COL11A1: variants seen among roughly 807,000 people sequenced by gnomAD.
The protein encoded by COL11A1 is collagen type XI alpha 1 chain.
A neutral mutation model predicts 265.2 loss-of-function variants in COL11A1; 74 were observed. That is an observed-to-expected ratio of 0.28 (90% confidence interval 0.23 to 0.34). The LOEUF is 0.34. COL11A1 is among the 10% of genes least tolerant of loss of function. COL11A1 has a pLI of 1.00. For missense variants in COL11A1, 2,165 were observed against 2,263.6 expected, an observed-to-expected ratio of 0.96 and a Z score of 0.88; for synonymous variants, 816 against 727.6, an observed-to-expected ratio of 1.12 and a Z score of -1.96.
At chr1:102,954,715 G>T (rs1309216562) in intron 41 of COL11A1, among the ~76,000 whole-genome samples, 1 of 151,968 alleles carries the variant, frequency 6.6e-6, no homozygotes, top group East Asian at 1.9e-4. Flanking sequence ...TTGGTGGTGG[G>T]TGCCTGCAAT....
chr1:103,078,620 T>C lies in COL11A1; in HGVS notation c.488+38A>G, dbSNP rs778597754. ...AAGTGACTGAATAAAAAAAATGATT[T>C]TGGCATAGCTAAAACATTGTATTAT... is the stretch of plus-strand genomic sequence containing the variant. On this transcript the variant is annotated intron_variant, in intron 3 of 66. Transcript: ENST00000370096. The C allele has an allele frequency of 4.4e-6, 7 of 1,575,814 alleles. No individual in the cohort carries two copies. In the African/African-American group the frequency reaches 9.5e-5, roughly 21 times the overall value.
intron 41 of COL11A1, among the ~76,000 whole-genome samples, chr1:102,947,435 T>G (rs1293025130): frequency 6.6e-6 from 1 of 152,110 alleles, no homozygotes; most frequent in Non-Finnish European, 1.5e-5. Flanking sequence ...GTTCAGAAAT[T>G]CTTTGCATTA....
Position 102,967,227 on chromosome 1 carries a change from C to CTTTTTTTTTTTTTTTTT in COL11A1, c.2863-1704_2863-1688dup, listed in dbSNP as rs35303945. ...CCCACAAAACCAAACATAATAAATTCTTTTTTTTTTTTTTTTTTTTTTTTT... is the reference window on the plus strand; with the variant it reads ...CCCACAAAACCAAACATAATAAATTCTTTTTTTTTTTTTTTTTTTTTTTTTTTTTTTTTTTTTTTTTT... On this transcript the variant is annotated intron_variant, in intron 37 of 66. Transcript: ENST00000370096. 7.0e-4 allele frequency among the ~76,000 whole-genome samples: 37 copies of CTTTTTTTTTTTTTTTTT among 52,760 alleles called. 14 individuals are homozygous for CTTTTTTTTTTTTTTTTT. The highest frequency in any genetic ancestry group is 4.3e-3 in the South Asian group (4 of 924). The allele number at this position is 52,760 out of a possible 152,430, so 34.6% of individuals were successfully genotyped here.
At chr1:103,030,613 C>A (rs1667902645) in intron 5 of COL11A1, among the ~76,000 whole-genome samples, 1 of 151,582 alleles carries the variant, frequency 6.6e-6, no homozygotes, top group Non-Finnish European at 1.5e-5. Flanking sequence ...AAATTCCTTC[C>A]ATTTCACATG....
At chr1:103,028,181 A>G (rs1162417852) in intron 5 of COL11A1, among the ~76,000 whole-genome samples, 1 of 151,868 alleles carries the variant, frequency 6.6e-6, no homozygotes, top group African/African-American at 2.4e-5. Context: ...CAGGCGCCTG[A>G]CACCATGCCC....
In COL11A1 at chr1:103,042,989, TATATATTAAATACATCATATATATGAA is replaced by T. The variant is rs200295480; in HGVS notation, c.652-11772_652-11746del. 3.8e-5 allele frequency among the ~76,000 whole-genome samples: 5 copies of T among 130,316 alleles called. No homozygotes were observed. In the East Asian group the frequency reaches 1.0e-3, roughly 26 times the overall value. The allele number at this position is 130,316 out of a possible 152,430, so 85.5% of individuals were successfully genotyped here. On this transcript the variant is annotated intron_variant, in intron 4 of 66. Coordinates refer to ENST00000370096, the MANE Select transcript of COL11A1 (RefSeq NM_001854.4). ...GATCATATATGTGAAATATATATGA[TATATATTAAATACATCATATATATGAA>T]ATATATATGATATATATTAAATACA...
In COL11A1 at chr1:103,004,760, G is replaced by T; in HGVS notation, c.1846-99C>A. The T allele has an allele frequency of 8.5e-6, 9 of 1,062,362 alleles. No homozygotes were observed. In the South Asian group the frequency reaches 9.0e-5, roughly 11 times the overall value. The allele number at this position is 1,062,362 out of a possible 1,614,324, so 65.8% of individuals were successfully genotyped here. ...CAAACCAAATAAAACAGGACATTTG[G>T]CAGGGAAAATATATGCTTTATTTAC... On this transcript the variant is annotated intron_variant, in intron 18 of 66. Coordinates refer to ENST00000370096, the MANE Select transcript of COL11A1 (RefSeq NM_001854.4).
Position 103,023,073 on chromosome 1 carries a change from A to G in COL11A1, c.991-77T>C, listed in dbSNP as rs139372374. 2.8e-4 allele frequency: 427 copies of G among 1,499,152 alleles called. 2 individuals are homozygous for G. In the African/African-American group the frequency reaches 4.1e-3, roughly 14 times the overall value. The allele number at this position is 1,499,152 out of a possible 1,614,324, so 92.9% of individuals were successfully genotyped here. On this transcript the variant is annotated intron_variant, in intron 7 of 66. Transcript: ENST00000370096. ...AAGCAAGGTAAGCATTTAAATTACAATTTGATAGCGTGTGATGGGATGCGA... is the reference window on the plus strand; with the variant it reads ...AAGCAAGGTAAGCATTTAAATTACAGTTTGATAGCGTGTGATGGGATGCGA...
intron 11 of COL11A1, 66 bp from the exon 12 acceptor site, chr1:103,015,808 A>G: frequency 8.5e-7 from 1 of 1,182,016 alleles, no homozygotes; most frequent in African/African-American, 1.5e-5. Flanking sequence ...GAACTAGAAT[A>G]ACTTATAACG....
intron 28 of COL11A1, among the ~76,000 whole-genome samples, chr1:102,991,960 A>G (rs546247836): frequency 6.6e-5 from 10 of 152,012 alleles, no homozygotes; most frequent in African/African-American, 2.4e-4. Flanking sequence ...TGAACTTGCT[A>G]TTGACAACGT....
At chr1:102,918,686 T>C (rs2101056664) in intron 49 of COL11A1, among the ~76,000 whole-genome samples, 1 of 152,136 alleles carries the variant, frequency 6.6e-6, no homozygotes, top group South Asian at 2.1e-4. Flanking sequence ...ATTAAAACTG[T>C]GTTTTTTAGT....
chr1:103,019,652 T>C (rs547711443), intron 9 of COL11A1, among the ~76,000 whole-genome samples: 2 of 152,018 alleles, frequency 1.3e-5, no homozygotes, highest in South Asian at 4.2e-4. Flanking sequence ...GTTAGTTACA[T>C]ATGTATACAT....
rs1215328463 is a variant in COL11A1, at chr1:102,946,713, C to CA, written c.3276+135_3276+136insT. The CA allele has an allele frequency of 4.1e-5, 30 of 726,256 alleles. No individual in the cohort carries two copies. In the Admixed American group the frequency reaches 6.5e-4, roughly 16 times the overall value. The allele number at this position is 726,256 out of a possible 1,614,324, so 45.0% of individuals were successfully genotyped here. Reference sequence around the variant, plus strand: ...TGAAATTTTCTCTATTATACATATACGAGCCAGGGTATTTACATGCCAGAC... The same window carrying CA: ...TGAAATTTTCTCTATTATACATATACAGAGCCAGGGTATTTACATGCCAGAC... On this transcript the variant is annotated intron_variant, in intron 42 of 66. Coordinates refer to ENST00000370096, the MANE Select transcript of COL11A1 (RefSeq NM_001854.4).
chr1:102,912,968 C>T (rs1654869310), intron 53 of COL11A1, among the ~76,000 whole-genome samples: 1 of 152,192 alleles, frequency 6.6e-6, no homozygotes. Context: ...TATAAATTAC[C>T]CATTCTTGTG....
At chr1:102,882,658 A>G (rs1217854850) in intron 64 of COL11A1, among the ~76,000 whole-genome samples, 1 of 152,198 alleles carries the variant, frequency 6.6e-6, no homozygotes, top group Non-Finnish European at 1.5e-5. Flanking sequence ...GAATATAGTT[A>G]TGCTCGTGAA....
chr1:102,954,800 C>A (rs1477718832), intron 41 of COL11A1, among the ~76,000 whole-genome samples: 1 of 150,592 alleles, frequency 6.6e-6, no homozygotes, highest in African/African-American at 2.5e-5. Context: ...GGCGAGATTG[C>A]GTCACTGCAT....
At chr1:103,016,948 G>A (rs1406473192) in intron 11 of COL11A1, among the ~76,000 whole-genome samples, 1 of 151,834 alleles carries the variant, frequency 6.6e-6, no homozygotes, top group Non-Finnish European at 1.5e-5. Flanking sequence ...TTTCTCACCT[G>A]ATATAGAGTT....
intron 53 of COL11A1, among the ~76,000 whole-genome samples, chr1:102,912,623 C>G (rs144186456): frequency 0.032 from 4,929 of 152,148 alleles, 111 homozygotes; most frequent in Middle Eastern, 0.085. Context: ...CATTCTATGC[C>G]AAGTTGTATA....
At chr1:102,878,516 CTTTCT>C (rs1453639859) in intron 66 of COL11A1, among the ~76,000 whole-genome samples, 1 of 36,704 alleles carries the variant, frequency 2.7e-5, no homozygotes, top group African/African-American at 7.9e-5. Flanking sequence ...TTTTTCTTTT[CTTTCT>C]TTTTTTTTTT....
Sources: allele counts gnomAD v4.1 joint callset (sites outside exome capture counted in the v4.1 genomes callset), GRCh38; gene constraint gnomAD v4.1.1; transcripts MANE v1.5; gene names NCBI Gene and HGNC (gene_info 2026-07-23, HGNC 2026-07-21).